The following KATNBL1 variants were observed in gnomAD, a reference collection of about 807,000 sequenced individuals.
The protein encoded by KATNBL1 is katanin regulatory subunit B1 like 1.
In KATNBL1, 28 loss-of-function variants were observed where a neutral mutation model predicts 44.7. That is an observed-to-expected ratio of 0.63 (90% CI 0.46 to 0.86). The LOEUF (loss-of-function observed/expected upper bound fraction) is 0.86, where lower values mean the gene tolerates loss of function less well. Among genes scored for constraint, KATNBL1 ranks in the 40% least tolerant of loss-of-function variants. The pLI is 0.00. For missense variants in KATNBL1, 272 were observed against 350.7 expected, an observed-to-expected ratio of 0.78 and a Z score of 1.79; for synonymous variants, 78 against 114.9, an observed-to-expected ratio of 0.68 and a Z score of 2.06.
intron 1 of KATNBL1, among the ~76,000 whole-genome samples, chr15:34,181,496 A>G (rs1393095177): frequency 2.0e-5 from 3 of 150,544 alleles, no homozygotes; most frequent in Non-Finnish European, 3.0e-5. Flanking sequence ...TTAAAAATTA[A>G]TAATTAATTT....
At chr15:34,152,763 T>G (rs1888520222) in intron 4 of KATNBL1, 27 bp downstream of exon 4, 1 of 1,547,778 alleles carries the variant, frequency 6.5e-7, no homozygotes, top group African/African-American at 1.4e-5. Context: ...AAAGTTAAAC[T>G]AGATATGAGT....
chr15:34,178,554 G>C (rs1056956796), intron 1 of KATNBL1, among the ~76,000 whole-genome samples: 1 of 152,052 alleles, frequency 6.6e-6, no homozygotes, highest in Admixed American at 6.5e-5. Flanking sequence ...TCAGGAGATC[G>C]AGACCATCCT....
intron 1 of KATNBL1, among the ~76,000 whole-genome samples, chr15:34,188,162 A>G (rs1026759988): frequency 1.0e-4 from 15 of 148,924 alleles, no homozygotes; most frequent in African/African-American, 2.9e-4. Flanking sequence ...AAAAAAAAAA[A>G]AAAGAAAATT....
At chr15:34,206,786 C>T (rs945045891) in intron 1 of KATNBL1, among the ~76,000 whole-genome samples, 9 of 148,364 alleles carry the variant, frequency 6.1e-5, no homozygotes, top group East Asian at 2.0e-4. Context: ...AGCAAGACTC[C>T]GTCTCAAAAA....
chr15:34,188,140 A>T (rs1189445384), intron 1 of KATNBL1, among the ~76,000 whole-genome samples: 29 of 112,672 alleles, frequency 2.6e-4, no homozygotes, highest in Admixed American at 1.9e-3. Flanking sequence ...CGCCATGTAA[A>T]AAAAAAAAAA....
chr15:34,163,531 T>A (rs1888871743), intron 2 of KATNBL1, 29 bp downstream of exon 2: 1 of 1,576,154 alleles, frequency 6.3e-7, no homozygotes. Context: ...TAAATTGTCT[T>A]ATCTGTTTTC....
rs532145629 is a variant in KATNBL1, at chr15:34,177,121, C to T, written c.-14-13431G>A. 3.9e-5 allele frequency among the ~76,000 whole-genome samples: 6 copies of T among 152,270 alleles called. No homozygotes were observed. In the South Asian group the frequency reaches 1.2e-3, roughly 32 times the overall value. On this transcript the variant is annotated intron_variant, in intron 1 of 9. Coordinates refer to ENST00000256544, the MANE Select transcript of KATNBL1 (RefSeq NM_024713.3). Reference sequence around the variant, plus strand: ...ATAAAAGATTGAGAAGAGGCCAATACACTAACTGTATATAACTATCCTGAA... The same window carrying T: ...ATAAAAGATTGAGAAGAGGCCAATATACTAACTGTATATAACTATCCTGAA...
chr15:34,200,180 G>A (rs935348972), intron 1 of KATNBL1, among the ~76,000 whole-genome samples: 4 of 152,032 alleles, frequency 2.6e-5, no homozygotes, highest in Admixed American at 6.6e-5. Context: ...TCACCTACTC[G>A]GAACAACTCA....
At chr15:34,152,739 A>C (rs1432066498) in intron 4 of KATNBL1, 51 bp downstream of exon 4, 1 of 1,449,432 alleles carries the variant, frequency 6.9e-7, no homozygotes, top group African/African-American at 1.4e-5. Flanking sequence ...AAAAATCAAG[A>C]TTATAACAGG....
chr15:34,161,327 G>A (rs143323226), intron 2 of KATNBL1, among the ~76,000 whole-genome samples: 18 of 152,268 alleles, frequency 1.2e-4, no homozygotes, highest in African/African-American at 4.3e-4. Flanking sequence ...CACTGGGTGG[G>A]CCTCGATTCC....
intron 9 of KATNBL1, 85 bp downstream of exon 9, chr15:34,145,313 C>T: frequency 7.6e-7 from 1 of 1,308,738 alleles, no homozygotes; most frequent in East Asian, 3.3e-5. Flanking sequence ...TATTATTTTG[C>T]CTAGAGACTT....
chr15:34,193,086 G>A (rs961911442), intron 1 of KATNBL1, among the ~76,000 whole-genome samples: 5 of 151,332 alleles, frequency 3.3e-5, no homozygotes, highest in Non-Finnish European at 5.9e-5. Flanking sequence ...GCGTAGTGGC[G>A]GGCGCCTGTG....
At chr15:34,167,260 C>G (rs2164623) in intron 1 of KATNBL1, among the ~76,000 whole-genome samples, 137,455 of 152,238 alleles carry the variant, frequency 0.9, 62,145 homozygotes, top group East Asian at 0.99. Flanking sequence ...TAAATGACAT[C>G]ATGGAGCTGA....
At chr15:34,171,555 A>G (rs1889159647) in intron 1 of KATNBL1, among the ~76,000 whole-genome samples, 1 of 152,220 alleles carries the variant, frequency 6.6e-6, no homozygotes, top group South Asian at 2.1e-4. Context: ...AGAACTAGAA[A>G]TACCATTTGG....
chr15:34,196,448 T>C (rs1372257228), intron 1 of KATNBL1, among the ~76,000 whole-genome samples: 1 of 151,248 alleles, frequency 6.6e-6, no homozygotes, highest in Non-Finnish European at 1.5e-5. Context: ...TTTAAATGAC[T>C]GGGCGCGGTG....
chr15:34,152,166 TC>T (rs1300490392), intron 4 of KATNBL1, among the ~76,000 whole-genome samples: 2 of 151,248 alleles, frequency 1.3e-5, no homozygotes, highest in Non-Finnish European at 2.9e-5. Context: ...GGCCTCGAAC[TC>T]CCGACCTCAG....
chr15:34,152,759 A>T, intron 4 of KATNBL1, 31 bp downstream of exon 4: 1 of 1,535,600 alleles, frequency 6.5e-7, no homozygotes, highest in Non-Finnish European at 8.9e-7. Context: ...GAACAAAGTT[A>T]AACTAGATAT....
At chr15:34,196,417 C>T (rs913699472) in intron 1 of KATNBL1, among the ~76,000 whole-genome samples, 11 of 151,776 alleles carry the variant, frequency 7.2e-5, no homozygotes, top group African/African-American at 2.7e-4. Context: ...GACTTTGTCT[C>T]AAAAATAAAA....
rs779634337 is a variant in KATNBL1, at chr15:34,152,969, T to C, written c.259A>G (p.Lys87Glu). 3 of 1,614,170 alleles carry C rather than the reference T, an allele frequency of 1.9e-6. No homozygotes were observed. The highest frequency in any genetic ancestry group is 2.5e-6 in the Non-Finnish European group (3 of 1,180,016). The change falls in exon 4 of 10, where the codon AAA (lysine) becomes GAA (glutamate). Residue 87 changes from lysine (K) to glutamate (E), a missense_variant. Around this residue, in one of 3 missense-constraint regions of KATNBL1, gnomAD observed 122 missense variants for 125.0 expected, o/e 0.98. Transcript: ENST00000256544. The stretch of plus-strand genomic sequence containing the variant: ...CAGCCCCCACTTCCAGGGGACTGTT[T>C]TTTTCTGTAACAAGGATTTGGAAAG... Reference protein sequence around the residue: ...HPFPNPCYRKKQSPGSGGCDM... With the variant: ...HPFPNPCYRKEQSPGSGGCDM...
Sources: gnomAD v4.1 joint callset for allele counts (sites outside exome capture counted in the v4.1 genomes callset) on GRCh38, gnomAD v4.1.1 for gene constraint, gnomAD v4.1.1 regional missense constraint, MANE v1.5 for transcripts, NCBI Gene and HGNC (gene_info 2026-07-23, HGNC 2026-07-21) for gene names.